The following SLC25A12 variants were observed in gnomAD, a reference collection of about 807,000 sequenced individuals.
SLC25A12 encodes electrogenic aspartate/glutamate antiporter SLC25A12, mitochondrial.
In SLC25A12, 32 loss-of-function variants were observed where a neutral mutation model predicts 83.3. The observed-to-expected ratio is 0.38, with a 90% CI of 0.29 to 0.52. The LOEUF (loss-of-function observed/expected upper bound fraction) is 0.52. SLC25A12 is among the 20% of genes least tolerant of loss of function. The probability of loss-of-function intolerance (pLI) is 0.84; values close to 1 mark genes in which losing one functional copy is unlikely to be tolerated. For synonymous variants in SLC25A12, 267 were observed against 291.1 expected, an observed-to-expected ratio of 0.92 and a Z score of 0.84; for missense variants, 611 against 835.6, an observed-to-expected ratio of 0.73 and a Z score of 3.31.
intron 10 of SLC25A12, among the ~76,000 whole-genome samples, chr2:171,814,561 C>T (rs1022758144): frequency 2.6e-5 from 4 of 151,734 alleles, no homozygotes; most frequent in African/African-American, 9.7e-5. Context: ...ACACGTGTCA[C>T]GGGCGTTTGT....
intron 5 of SLC25A12, among the ~76,000 whole-genome samples, chr2:171,838,007 CCT>C (rs1251428112): frequency 6.6e-6 from 1 of 152,138 alleles, no homozygotes; most frequent in African/African-American, 2.4e-5. Context: ...CCAGCAATCC[CCT>C]GTGTACTATA....
At chr2:171,813,287 CT>C (rs1228203393) in intron 11 of SLC25A12, 51 bp downstream of exon 11, 71 of 1,599,888 alleles carry the variant, frequency 4.4e-5, no homozygotes, top group Non-Finnish European at 6.1e-5. Context: ...TTAAAATCTG[CT>C]GCTGGTGAGA....
At chr2:171,815,233 C>A (rs780107297) in intron 9 of SLC25A12, 31 bp from the exon 10 acceptor site, 1 of 1,467,234 alleles carries the variant, frequency 6.8e-7, no homozygotes, top group South Asian at 1.1e-5. Context: ...AAAAAAAAAT[C>A]TTGAAAGCGC....
intron 3 of SLC25A12, among the ~76,000 whole-genome samples, chr2:171,866,635 G>A (rs1685319916): frequency 1.4e-5 from 2 of 143,044 alleles, no homozygotes; most frequent in Non-Finnish European, 3.1e-5. Context: ...CCGGGCGGGG[G>A]GCTGACCCCC....
chr2:171,837,729 T>TCA (rs1272805604), intron 5 of SLC25A12, among the ~76,000 whole-genome samples: 2 of 152,204 alleles, frequency 1.3e-5, no homozygotes, highest in African/African-American at 4.8e-5. Flanking sequence ...TCTCTCTCTG[T>TCA]CATTCTATAA....
Position 171,787,930 on chromosome 2 carries a change from G to A in SLC25A12, c.1603C>T (p.Leu535=). Residue 535 remains leucine (L), a synonymous_variant, in exon 16 of 18, where the codon CTG becomes TTG. Coordinates refer to ENST00000422440, the MANE Select transcript of SLC25A12 (RefSeq NM_003705.5). The part of the protein sequence containing the change: ...GAMAGVPAAS[L]VTPADVIKTR... ...TTGATGACATCAGCAGGGGTCACCA[G>A]AGATGCAGCTGGGACACCTTTCAGG... 6.2e-7 allele frequency: 1 copy of A among 1,614,230 alleles called. No homozygotes were observed. Among genetic ancestry groups the A allele is most frequent in the Non-Finnish European group, 8.5e-7 (1 of 1,180,046 alleles).
At chr2:171,852,376 A>G (rs1684952449) in intron 4 of SLC25A12, among the ~76,000 whole-genome samples, 1 of 152,250 alleles carries the variant, frequency 6.6e-6, no homozygotes, top group African/African-American at 2.4e-5. Context: ...ATAAATGAGA[A>G]TATATACAAG....
intron 14 of SLC25A12, among the ~76,000 whole-genome samples, chr2:171,793,333 G>A (rs182437658): frequency 2.0e-5 from 3 of 152,160 alleles, no homozygotes; most frequent in Admixed American, 6.5e-5. Context: ...GAGAGCACCA[G>A]GGAAAGTTTT....
At chr2:171,883,847 T>G (rs998645848) in intron 2 of SLC25A12, among the ~76,000 whole-genome samples, 6 of 152,072 alleles carry the variant, frequency 3.9e-5, no homozygotes, top group Admixed American at 2.6e-4. Flanking sequence ...GTAAGCTTTT[T>G]TTTGTTTGTT....
At chr2:171,886,140 C>G (rs1685812854) in intron 2 of SLC25A12, among the ~76,000 whole-genome samples, 1 of 151,772 alleles carries the variant, frequency 6.6e-6, no homozygotes, top group Non-Finnish European at 1.5e-5. Context: ...AATTGGTGGT[C>G]TAGGCCTAAC....
intron 9 of SLC25A12, among the ~76,000 whole-genome samples, chr2:171,824,276 T>C (rs1156509642): frequency 6.6e-6 from 1 of 152,112 alleles, no homozygotes; most frequent in Non-Finnish European, 1.5e-5. Flanking sequence ...AGTAGCAAAA[T>C]TACATCACTT....
At chr2:171,889,859 T>C (rs1365147056) in intron 2 of SLC25A12, among the ~76,000 whole-genome samples, 1 of 152,216 alleles carries the variant, frequency 6.6e-6, no homozygotes. Context: ...AACAAGGATA[T>C]TAAACCTGCT....
intron 5 of SLC25A12, among the ~76,000 whole-genome samples, chr2:171,838,225 T>C (rs1478087294): frequency 2.6e-5 from 4 of 152,218 alleles, no homozygotes; most frequent in Admixed American, 1.3e-4. Context: ...GACTACAAAT[T>C]AATGTTGCTT....
chr2:171,879,092 T>C (rs1224759690), intron 2 of SLC25A12, among the ~76,000 whole-genome samples: 1 of 152,214 alleles, frequency 6.6e-6, no homozygotes, highest in African/African-American at 2.4e-5. Context: ...TAAATACATA[T>C]GGCCAGTTTG....
At chr2:171,817,809 C>T (rs1217713940) in intron 9 of SLC25A12, among the ~76,000 whole-genome samples, 1 of 151,848 alleles carries the variant, frequency 6.6e-6, no homozygotes, top group Non-Finnish European at 1.5e-5. Context: ...CCACTAATAC[C>T]CTTATTCATA....
chr2:171,806,301 C>T (rs1026363760), intron 13 of SLC25A12, among the ~76,000 whole-genome samples: 2 of 151,934 alleles, frequency 1.3e-5, no homozygotes, highest in Non-Finnish European at 2.9e-5. Flanking sequence ...ACTAAAAATA[C>T]AAAATTAGCC....
chr2:171,874,710 T>C (rs1350194641), intron 2 of SLC25A12, among the ~76,000 whole-genome samples: 1 of 152,228 alleles, frequency 6.6e-6, no homozygotes, highest in Non-Finnish European at 1.5e-5. Flanking sequence ...TAAAAAAGAC[T>C]GGAATCATGT....
intron 13 of SLC25A12, among the ~76,000 whole-genome samples, chr2:171,795,277 A>G (rs934477756): frequency 3.3e-5 from 5 of 152,162 alleles, no homozygotes; most frequent in East Asian, 1.9e-4. Flanking sequence ...AGGTCCCCCA[A>G]CGATGTACTG....
intron 2 of SLC25A12, among the ~76,000 whole-genome samples, chr2:171,872,711 G>C (rs191965994): frequency 6.6e-6 from 1 of 152,324 alleles, no homozygotes; most frequent in African/African-American, 2.4e-5. Flanking sequence ...GGAATGGAGG[G>C]AGAAAGGCAA....
Sources: allele counts gnomAD v4.1 joint callset (sites outside exome capture counted in the v4.1 genomes callset), GRCh38; gene constraint gnomAD v4.1.1; transcripts MANE v1.5; gene names NCBI Gene and HGNC (gene_info 2026-07-23, HGNC 2026-07-21).